Variants in ZFHX3 observed in about 807,000 individuals in gnomAD.
The protein encoded by ZFHX3 is zinc finger homeobox protein 3.
In ZFHX3, 42 loss-of-function variants were observed where a neutral mutation model predicts 279.1. The observed-to-expected ratio is 0.15, with a 90% confidence interval of 0.12 to 0.19. The LOEUF is 0.19. Among genes scored for constraint, ZFHX3 ranks in the 10% least tolerant of loss-of-function variants. The pLI is 1.00. For missense variants in ZFHX3, 4,981 were observed against 4,754.0 expected (o/e 1.05, Z -1.40); for synonymous variants, 2,293 against 1,957.8 (o/e 1.17, Z -4.52).
rs35019692 is a variant in ZFHX3 at position 73,392,418 on chromosome 16, C to CAAAAAAAAAAAAAAAAA, written c.-1291+63568_-1291+63584dup. ...TGGGTGACAGAATGAGACCCTGTCT[C>CAAAAAAAAAAAAAAAAA]AAAAAAAAAAAAAAAAAAAAAAAAA... is the stretch of plus-strand genomic sequence containing the variant. On this transcript the variant is annotated intron_variant, in intron 3 of 17. Coordinates refer to the ZFHX3 transcript ENST00000641206. Among the ~76,000 whole-genome samples the CAAAAAAAAAAAAAAAAA allele has an allele frequency of 3.6e-4, 13 of 35,792 alleles. 1 individual carries two copies. Among genetic ancestry groups the CAAAAAAAAAAAAAAAAA allele is most frequent in the Non-Finnish European group, 5.3e-4 (11 of 20,678 alleles). 23.5% of individuals were successfully genotyped at this position (35,792 alleles called of 152,430 possible).
chr16:73,352,395 G>A (rs527866110), intron 3 of ZFHX3, among the ~76,000 whole-genome samples: 1 of 151,580 alleles, frequency 6.6e-6, no homozygotes, highest in South Asian at 2.1e-4. Flanking sequence ...GAGGATAACG[G>A]CTCCTGTGGC....
chr16:73,776,619 T>C (rs1320544068), intron 1 of ZFHX3, among the ~76,000 whole-genome samples: 1 of 152,156 alleles, frequency 6.6e-6, no homozygotes, highest in African/African-American at 2.4e-5. Flanking sequence ...ATTGCTGAAG[T>C]GCTCGAATGC....
chr16:73,201,346 T>C (rs1328995954), intron 5 of ZFHX3, among the ~76,000 whole-genome samples: 1 of 152,172 alleles, frequency 6.6e-6, no homozygotes, highest in African/African-American at 2.4e-5. Flanking sequence ...GAGTCAGATA[T>C]TACTGTTTGA....
intron 3 of ZFHX3, among the ~76,000 whole-genome samples, chr16:73,451,276 G>T (rs1426049312): frequency 1.3e-5 from 2 of 152,196 alleles, no homozygotes; most frequent in East Asian, 3.9e-4. Flanking sequence ...AAGGACACAG[G>T]CCAGATCCAT....
chr16:72,966,034 A>G (rs1961820311), intron 1 of ZFHX3, among the ~76,000 whole-genome samples: 2 of 152,172 alleles, frequency 1.3e-5, no homozygotes, highest in Admixed American at 6.5e-5. Context: ...TGGCTTTCAG[A>G]TAATAAACTG....
intron 1 of ZFHX3, among the ~76,000 whole-genome samples, chr16:72,966,984 T>C (rs899725007): frequency 1.3e-5 from 2 of 152,194 alleles, no homozygotes; most frequent in Admixed American, 1.3e-4. Context: ...AAGGTGAAGA[T>C]TCTTCTCATT....
intron 7 of ZFHX3, among the ~76,000 whole-genome samples, chr16:73,119,402 C>CT (rs35910282): frequency 1.9e-4 from 29 of 152,192 alleles, no homozygotes; most frequent in Non-Finnish European, 2.1e-4. Context: ...TCACCACACT[C>CT]AGCCCGGAAG....
chr16:73,358,572 G>A (rs555342638), intron 3 of ZFHX3, among the ~76,000 whole-genome samples: 2 of 152,334 alleles, frequency 1.3e-5, no homozygotes, highest in African/African-American at 4.8e-5. Context: ...CCAGATTCCT[G>A]CCCTGTAGAA....
chr16:73,029,225 C>A (rs1964613748), intron 1 of ZFHX3, among the ~76,000 whole-genome samples: 1 of 152,186 alleles, frequency 6.6e-6, no homozygotes, highest in Admixed American at 6.5e-5. Context: ...AAGGCCCCTT[C>A]TATCACCTCC....
chr16:73,097,231 ATTTT>A (rs376018253), intron 7 of ZFHX3, among the ~76,000 whole-genome samples: 16 of 126,722 alleles, frequency 1.3e-4, no homozygotes, highest in South Asian at 5.0e-4. Context: ...GCTAATTTTA[ATTTT>A]TTTTTTTTTT....
At chr16:73,212,313 T>C (rs1043656073) in intron 5 of ZFHX3, among the ~76,000 whole-genome samples, 1 of 152,188 alleles carries the variant, frequency 6.6e-6, no homozygotes, top group African/African-American at 2.4e-5. Context: ...CTACATACTC[T>C]AGCACACTGT....
At chr16:73,557,094 CAAAAAAAAAAAAAAAA>C (rs397766441) in intron 2 of ZFHX3, among the ~76,000 whole-genome samples, 1 of 68,552 alleles carries the variant, frequency 1.5e-5, no homozygotes, top group African/African-American at 7.5e-5. Flanking sequence ...GACTCCGTCT[CAAAAAAAAAAAAAAAA>C]AAAAAAAAAA....
chr16:73,488,976 G>A (rs954787447), intron 2 of ZFHX3, among the ~76,000 whole-genome samples: 3 of 152,160 alleles, frequency 2.0e-5, no homozygotes, highest in Admixed American at 6.5e-5. Context: ...AAGATTAAAT[G>A]AAATTATACA....
At position 73,072,900 on chromosome 16, in the gene ZFHX3, A is replaced by AT. The variant is rs368516198; in HGVS notation, c.-532-13889dup. On this transcript the variant is annotated intron_variant, in intron 8 of 17. Coordinates refer to the ZFHX3 transcript ENST00000641206. ...TATTTCTTTCTTTCTTTCTTTTTCT[A>AT]TTTTTTTTTTTATTTGAGACGGAGT... 7.1e-3 allele frequency among the ~76,000 whole-genome samples: 1,013 copies of AT among 142,976 alleles called. 11 individuals are homozygous for AT. The highest frequency in any genetic ancestry group is 8.5e-3 in the Non-Finnish European group (555 of 65,164). The allele number at this position is 142,976 out of a possible 152,430, so 93.8% of individuals were successfully genotyped here.
chr16:72,783,231 C>A lies in ZFHX3; in HGVS notation c.*3933G>T, dbSNP rs2035201119. The A allele has an allele frequency of 6.6e-6, 1 of 151,016 alleles. No individual in the cohort carries two copies. The highest frequency in any genetic ancestry group is 6.6e-5 in the Admixed American group (1 of 15,092). The allele number at this position is 151,016 out of a possible 1,614,324, so 9.4% of individuals were successfully genotyped here. A position where few individuals can be genotyped will look rare whatever the true frequency, so the allele number is the denominator to read the frequency against. ...GTACATTGCAAAGGCTGTTCATATA[C>A]CTCTTCACCTCAGGGTCACGTTCAT... On this transcript the variant is annotated 3_prime_UTR_variant, in exon 10 of 10. Coordinates refer to ENST00000268489, the MANE Select transcript of ZFHX3 (RefSeq NM_006885.4).
intron 4 of ZFHX3, among the ~76,000 whole-genome samples, chr16:73,277,555 T>C (rs2014332167): frequency 6.6e-6 from 1 of 152,252 alleles, no homozygotes; most frequent in Admixed American, 6.5e-5. Context: ...CTCATGACTT[T>C]GTCCGCTTTG....
chr16:72,910,803 A>G (rs1160822444), intron 3 of ZFHX3, among the ~76,000 whole-genome samples: 1 of 152,200 alleles, frequency 6.6e-6, no homozygotes, highest in Non-Finnish European at 1.5e-5. Context: ...TTAAAAAACA[A>G]AACAAAACAA....
chr16:73,533,285 G>C (rs1374895021), intron 2 of ZFHX3, among the ~76,000 whole-genome samples: 3 of 151,214 alleles, frequency 2.0e-5, no homozygotes, highest in Non-Finnish European at 4.4e-5. Flanking sequence ...AAGGACTCCT[G>C]ACTATCACTT....
At position 73,254,238 on chromosome 16, in the gene ZFHX3, C is replaced by A. The variant is rs570984357; in HGVS notation, c.-1104+2809G>T. On this transcript the variant is annotated intron_variant, in intron 5 of 17. Transcript: ENST00000641206. ...ACACATGGTCTGAGGCACTTCTTAC[C>A]GGATCCATCCTTCCCACTATCCTTT... is the stretch of plus-strand genomic sequence containing the variant. Among the ~76,000 whole-genome samples the A allele has an allele frequency of 2.0e-4, 30 of 152,256 alleles. 1 individual carries two copies. Among genetic ancestry groups the A allele is most frequent in the Admixed American group, 5.2e-4 (8 of 15,302 alleles).
Sources: allele counts gnomAD v4.1 joint callset (sites outside exome capture counted in the v4.1 genomes callset), GRCh38; gene constraint gnomAD v4.1.1; transcripts MANE v1.5; gene names NCBI Gene and HGNC (gene_info 2026-07-23, HGNC 2026-07-21).